OR52E8: variants seen among roughly 807,000 people sequenced by gnomAD.
The protein encoded by OR52E8 is olfactory receptor 52E8.
For missense variants in OR52E8, 451 were observed against 383.9 expected (o/e 1.17, Z -1.46); for synonymous variants, 167 against 141.1 (o/e 1.18, Z -1.30).
chr11:5,856,756 T>C lies in OR52E8; in HGVS notation c.935A>G (p.Asn312Ser), dbSNP rs745699418. 23 of 1,530,258 alleles carry C rather than the reference T, an allele frequency of 1.5e-5. 1 individual carries two copies. The highest frequency in any genetic ancestry group is 2.0e-5 in the Admixed American group (1 of 49,768). The allele number at this position is 1,530,258 out of a possible 1,614,324, so 94.8% of individuals were successfully genotyped here. ...ERVLRIFLKTNH is the reference protein window; with the variant it reads ...ERVLRIFLKTSH ...TCTCCAACCTCCAACTGGTTAGTGA[T>C]TGGTCTTGAGAAAAATCCTCAGCAC... is the stretch of plus-strand genomic sequence containing the variant. The change falls in exon 1 of 1, where the codon AAT becomes AGT. Residue 312 changes from asparagine (N) to serine (S), a missense_variant. Physicochemically the swap from Asn to Ser is conservative, Grantham distance 46. Coordinates refer to ENST00000537935, the MANE Select transcript of OR52E8 (RefSeq NM_001005168.3).
chr11:5,857,055 A>G lies in OR52E8; in HGVS notation c.636T>C (p.Val212=). Residue 212 remains valine (V), a synonymous_variant, in exon 1 of 1, where the codon GTT becomes GTC. Transcript: ENST00000537935. The stretch of plus-strand genomic sequence containing the variant: ...TGACATAGGAGAGAATAATAAGGAT[A>G]ACATCCAGTAACAAGAGAGATATGT... ...LGNISLLLLD[V]ILIILSYVRI... 6.2e-7 allele frequency: 1 copy of G among 1,608,700 alleles called. No individual in the cohort carries two copies. Among genetic ancestry groups the G allele is most frequent in the South Asian group, 1.1e-5 (1 of 91,052 alleles).
Position 5,857,071 on chromosome 11 carries a change from A to G in OR52E8, c.620T>C (p.Leu207Pro), listed in dbSNP as rs1439064433. 1 of 1,608,696 alleles carries G rather than the reference A, an allele frequency of 6.2e-7. No homozygotes were observed. Among genetic ancestry groups the G allele is most frequent in the Non-Finnish European group, 8.5e-7 (1 of 1,179,816 alleles). Residue 207 changes from leucine to proline, a missense_variant, in exon 1 of 1, where the codon CTC (leucine) becomes CCC (proline). Leu to Pro is a moderately conservative substitution (Grantham distance 98). Coordinates refer to ENST00000537935, the MANE Select transcript of OR52E8 (RefSeq NM_001005168.3). ...NIRFGLGNIS[L>P]LLLDVILIIL... ...AATAAGGATAACATCCAGTAACAAG[A>G]GAGATATGTTGCCAAGGCCAAACCT...
Position 5,857,251 on chromosome 11 carries a change from G to T in OR52E8, c.440C>A (p.Ala147Glu). 6.2e-7 allele frequency: 1 copy of T among 1,610,162 alleles called. No homozygotes were observed. The highest frequency in any genetic ancestry group is 8.5e-7 in the Non-Finnish European group (1 of 1,179,920). The change falls in exon 1 of 1, where the codon GCA (alanine) becomes GAA (glutamate). Residue 147 changes from alanine to glutamate, a missense_variant. By Grantham distance (107) the Ala-to-Glu change is moderately radical. Transcript: ENST00000537935. ...ILTSKIISLIAGIAVLRSLYM... is the reference protein window; with the variant it reads ...ILTSKIISLIEGIAVLRSLYM... ...CAGGCTCCTCAGGACAGCAATGCCT[G>T]CAATGAGGCTGATGATTTTGCTGGT...
rs71640255 is a variant in OR52E8, at chr11:5,856,956, AT to A, written c.734del (p.His245LeufsTer6). The part of the protein sequence containing the change: ...RLKALNTCGS[H>X]IGVILAFFTP... Reference sequence around the variant, plus strand: ...TAAAAAAGGCTAAGATAACACCAATATGAGAACCACAGGTGTTGAGAGCTTT... The same window carrying A: ...TAAAAAAGGCTAAGATAACACCAATAGAGAACCACAGGTGTTGAGAGCTTT... On this transcript the variant is annotated frameshift_variant, in exon 1 of 1. Transcript: ENST00000537935. LOFTEE classifies it low-confidence loss of function (END_TRUNC). The A allele has an allele frequency of 3.6e-4, 579 of 1,605,708 alleles. 1 individual carries two copies. Among genetic ancestry groups the A allele is most frequent in the Non-Finnish European group, 4.6e-4 (539 of 1,178,766 alleles).
rs138313715 is a variant in OR52E8, at chr11:5,857,011, A to G, written c.680T>C (p.Phe227Ser). ...TCGAGCTTCCCAGGAGGGCAGGCAG[A>G]AGACAGCATACAGGATCCTGACATA... Reference protein sequence around the residue: ...LSYVRILYAVFCLPSWEARLK... With the variant: ...LSYVRILYAVSCLPSWEARLK... Residue 227 changes from phenylalanine (F) to serine (S), a missense_variant, in exon 1 of 1, where the codon TTC becomes TCC. Coordinates refer to ENST00000537935, the MANE Select transcript of OR52E8 (RefSeq NM_001005168.3). The G allele has an allele frequency of 9.1e-5, 146 of 1,607,590 alleles. No homozygotes were observed. The East Asian group carries it at 3.3e-3, about 36-fold the overall frequency.
At position 5,857,668 on chromosome 11, in the gene OR52E8, T is replaced by C; in HGVS notation, c.23A>G (p.Gln8Arg). ...CAGTAGGAATGAAGAAGGATGGAAC[T>C]GGGTGTGATTAGACGTAGACATTCT... is the stretch of plus-strand genomic sequence containing the variant. MSTSNHTQFHPSSFLLLG... is the reference protein window; with the variant it reads MSTSNHTRFHPSSFLLLG... The change falls in exon 1 of 1, where the codon CAG becomes CGG. Residue 8 changes from glutamine (Q) to arginine (R), a missense_variant. Gln to Arg is a conservative substitution (Grantham distance 43, BLOSUM62 1). Transcript: ENST00000537935. 2 of 1,609,190 alleles carry C rather than the reference T, an allele frequency of 1.2e-6. No individual in the cohort carries two copies. Among genetic ancestry groups the C allele is most frequent in the Non-Finnish European group, 1.7e-6 (2 of 1,179,570 alleles).
Position 5,857,473 on chromosome 11 carries a change from A to G in OR52E8, c.218T>C (p.Leu73Pro). 1.2e-6 allele frequency: 2 copies of G among 1,610,016 alleles called. No individual in the cohort carries two copies. Among genetic ancestry groups the G allele is most frequent in the Non-Finnish European group, 1.7e-6 (2 of 1,179,842 alleles). ...GGGGATGGTGGCTGTAGACAAGCCC[A>G]GGTCAATGGAATCCAACATGGCCAG... is the stretch of plus-strand genomic sequence containing the variant. ...YFLAMLDSID[L>P]GLSTATIPKM... The change falls in exon 1 of 1, where the codon CTG (leucine) becomes CCG (proline). Residue 73 changes from leucine (L) to proline (P), a missense_variant. By Grantham distance (98) the Leu-to-Pro change is moderately conservative (BLOSUM62 -3). Coordinates refer to ENST00000537935, the MANE Select transcript of OR52E8 (RefSeq NM_001005168.3).
At position 5,857,097 on chromosome 11, in the gene OR52E8, A is replaced by T; in HGVS notation, c.594T>A (p.Ile198=). 6.8e-6 allele frequency: 11 copies of T among 1,609,244 alleles called. No homozygotes were observed. The highest frequency in any genetic ancestry group is 9.3e-6 in the Non-Finnish European group (11 of 1,179,852). Residue 198 remains isoleucine, a synonymous_variant, in exon 1 of 1, where the codon ATT becomes ATA. Coordinates refer to ENST00000537935, the MANE Select transcript of OR52E8 (RefSeq NM_001005168.3). Reference sequence around the variant, plus strand: ...GAGATATGTTGCCAAGGCCAAACCTAATGTTGACTTTGATGCTGGCACAGG... The same window carrying T: ...GAGATATGTTGCCAAGGCCAAACCTTATGTTGACTTTGATGCTGGCACAGG... The part of the protein sequence containing the change: ...RLACASIKVN[I]RFGLGNISLL...
Position 5,857,005 on chromosome 11 carries a change from A to G in OR52E8, c.686T>C (p.Leu229Pro). ...YVRILYAVFCLPSWEARLKAL... is the reference protein window; with the variant it reads ...YVRILYAVFCPPSWEARLKAL... ...TTTGAGTCGAGCTTCCCAGGAGGGC[A>G]GGCAGAAGACAGCATACAGGATCCT... The change falls in exon 1 of 1, where the codon CTG becomes CCG. Residue 229 changes from leucine to proline, a missense_variant. Leu to Pro is a moderately conservative substitution (Grantham distance 98). Transcript: ENST00000537935. The G allele has an allele frequency of 6.2e-7, 1 of 1,607,264 alleles. No homozygotes were observed. Among genetic ancestry groups the G allele is most frequent in the Non-Finnish European group, 8.5e-7 (1 of 1,179,346 alleles).
At position 5,856,809 on chromosome 11, in the gene OR52E8, T is replaced by G. The variant is rs2043693894; in HGVS notation, c.882A>C (p.Gly294=). 6.2e-7 allele frequency: 1 copy of G among 1,603,544 alleles called. No homozygotes were observed. The part of the protein sequence containing the change: ...VPPALNPVIY[G]VRTKQIRERV... ...TCTCTCGAATCTGCTTTGTCCTGAC[T>G]CCATAGATTACAGGATTGAGGGCTG... Residue 294 remains glycine, a synonymous_variant, in exon 1 of 1, where the codon GGA becomes GGC. Coordinates refer to ENST00000537935, the MANE Select transcript of OR52E8 (RefSeq NM_001005168.3).
In OR52E8 at chr11:5,857,004, C is replaced by A; in HGVS notation, c.687G>T (p.Leu229=). 6.2e-7 allele frequency: 1 copy of A among 1,606,584 alleles called. No homozygotes were observed. The highest frequency in any genetic ancestry group is 1.1e-5 in the South Asian group (1 of 90,876). The change falls in exon 1 of 1, where the codon CTG becomes CTT. Residue 229 remains leucine (L), a synonymous_variant. Transcript: ENST00000537935. ...CTTTGAGTCGAGCTTCCCAGGAGGG[C>A]AGGCAGAAGACAGCATACAGGATCC... ...YVRILYAVFC[L]PSWEARLKAL... is the part of the protein sequence containing the mutation.
rs771134632 is a variant in OR52E8, at chr11:5,856,863, T to C, written c.828A>G (p.Ile276Met). The C allele has an allele frequency of 1.9e-6, 3 of 1,607,728 alleles. No individual in the cohort carries two copies. Among genetic ancestry groups the C allele is most frequent in the Admixed American group, 1.7e-5 (1 of 59,688 alleles). ...GGACAACCACATACAGGTTGGCTAA[T>C]ATAATATGTATATACTGTGGGATAT... ...GHNIPQYIHI[I>M]LANLYVVVPP... The change falls in exon 1 of 1, where the codon ATA becomes ATG. Residue 276 changes from isoleucine to methionine, a missense_variant. Coordinates refer to ENST00000537935, the MANE Select transcript of OR52E8 (RefSeq NM_001005168.3).
rs772747057 is a variant in OR52E8 at position 5,857,686 on chromosome 11, G to C, written c.5C>G (p.Ser2Cys). Residue 2 changes from serine (S) to cysteine (C), a missense_variant, in exon 1 of 1, where the codon TCT (serine) becomes TGT (cysteine). Ser to Cys is a moderately radical substitution (Grantham distance 112, BLOSUM62 -1). Transcript: ENST00000537935. ...ATGGAACTGGGTGTGATTAGACGTA[G>C]ACATTCTTCCTGCCATATAAAGCTG... M[S>C]TSNHTQFHPS... 6 of 1,605,598 alleles carry C rather than the reference G, an allele frequency of 3.7e-6. No individual in the cohort carries two copies. The Admixed American group carries it at 5.0e-5, about 14-fold the overall frequency.
rs207471638 is a variant in OR52E8 at position 5,856,928 on chromosome 11, G to T, written c.763C>A (p.Pro255Thr). The change falls in exon 1 of 1, where the codon CCA (proline) becomes ACA (threonine). Residue 255 changes from proline to threonine, a missense_variant. Coordinates refer to ENST00000537935, the MANE Select transcript of OR52E8 (RefSeq NM_001005168.3). ...HIGVILAFFT[P>T]AFFSFLTHRF... ...TGTGTCAAGAATGAAAAAAATGCTG[G>T]TGTAAAAAAGGCTAAGATAACACCA... The T allele has an allele frequency of 4.4e-6, 7 of 1,605,610 alleles. No homozygotes were observed. The highest frequency in any genetic ancestry group is 5.9e-6 in the Non-Finnish European group (7 of 1,178,936).
chr11:5,856,932 A>C lies in OR52E8; in HGVS notation c.759T>G (p.Phe253Leu), dbSNP rs1564983808. 4.4e-6 allele frequency: 7 copies of C among 1,605,260 alleles called. No individual in the cohort carries two copies. Among genetic ancestry groups the C allele is most frequent in the Non-Finnish European group, 5.9e-6 (7 of 1,178,684 alleles). ...TCAAGAATGAAAAAAATGCTGGTGT[A>C]AAAAAGGCTAAGATAACACCAATAT... Reference protein sequence around the residue: ...GSHIGVILAFFTPAFFSFLTH... With the variant: ...GSHIGVILAFLTPAFFSFLTH... The change falls in exon 1 of 1, where the codon TTT becomes TTG. Residue 253 changes from phenylalanine (F) to leucine (L), a missense_variant. Coordinates refer to ENST00000537935, the MANE Select transcript of OR52E8 (RefSeq NM_001005168.3).
chr11:5,856,857 G>A lies in OR52E8; in HGVS notation c.834C>T (p.Ala278=), dbSNP rs937718085. The change falls in exon 1 of 1, where the codon GCC becomes GCT. Residue 278 remains alanine (A), a synonymous_variant. Coordinates refer to ENST00000537935, the MANE Select transcript of OR52E8 (RefSeq NM_001005168.3). ...CTGGTGGGACAACCACATACAGGTTGGCTAATATAATATGTATATACTGTG... is the reference window on the plus strand; with the variant it reads ...CTGGTGGGACAACCACATACAGGTTAGCTAATATAATATGTATATACTGTG... ...NIPQYIHIIL[A]NLYVVVPPAL... 4.4e-6 allele frequency: 7 copies of A among 1,607,416 alleles called. No individual in the cohort carries two copies. The Admixed American group carries it at 8.4e-5, about 19-fold the overall frequency.
Position 5,857,372 on chromosome 11 carries a change from G to A in OR52E8, c.319C>T (p.His107Tyr), listed in dbSNP as rs1365595073. ...ATGCTCTCCATAGCAGTGAAGAAAT[G>A]GATGAAGAACATGTGAGAAAGGCAG... Reference protein sequence around the residue: ...GGCLSHMFFIHFFTAMESIVL... With the variant: ...GGCLSHMFFIYFFTAMESIVL... Residue 107 changes from histidine (H) to tyrosine (Y), a missense_variant, in exon 1 of 1, where the codon CAT (histidine) becomes TAT (tyrosine). Transcript: ENST00000537935. 1 of 1,610,256 alleles carries A rather than the reference G, an allele frequency of 6.2e-7. No individual in the cohort carries two copies. The highest frequency in any genetic ancestry group is 2.2e-5 in the East Asian group (1 of 44,854).
At position 5,857,318 on chromosome 11, in the gene OR52E8, A is replaced by G; in HGVS notation, c.373T>C (p.Tyr125His). 6.2e-7 allele frequency: 1 copy of G among 1,610,370 alleles called. No homozygotes were observed. The highest frequency in any genetic ancestry group is 8.5e-7 in the Non-Finnish European group (1 of 1,179,912). Residue 125 changes from tyrosine to histidine, a missense_variant, in exon 1 of 1, where the codon TAC (tyrosine) becomes CAC (histidine). By Grantham distance (83) the Tyr-to-His change is moderately conservative (BLOSUM62 2). Transcript: ENST00000537935. ...IVLVAMAFDR[Y>H]IAICKPLRYT... ...CGAAGAGGTTTGCAAATGGCAATGT[A>G]GCGGTCAAAGGCCATGGCCACCAAC...
At position 5,857,100 on chromosome 11, in the gene OR52E8, G is replaced by A; in HGVS notation, c.591C>T (p.Asn197=). The change falls in exon 1 of 1, where the codon AAC becomes AAT. Residue 197 remains asparagine, a synonymous_variant. Coordinates refer to ENST00000537935, the MANE Select transcript of OR52E8 (RefSeq NM_001005168.3). ...ATATGTTGCCAAGGCCAAACCTAAT[G>A]TTGACTTTGATGCTGGCACAGGCCA... is the stretch of plus-strand genomic sequence containing the variant. The part of the protein sequence containing the change: ...ARLACASIKV[N]IRFGLGNISL... 6.2e-7 allele frequency: 1 copy of A among 1,609,278 alleles called. No individual in the cohort carries two copies. Among genetic ancestry groups the A allele is most frequent in the Non-Finnish European group, 8.5e-7 (1 of 1,179,850 alleles).
Sources: gnomAD v4.1 joint callset for allele counts on GRCh38, gnomAD v4.1.1 for gene constraint, MANE v1.5 for transcripts, NCBI Gene and HGNC (gene_info 2026-07-23, HGNC 2026-07-21) for gene names.